Variants in TWIST2 observed in about 807,000 individuals in gnomAD.
TWIST2 encodes the protein twist-related protein 2.
In TWIST2, 1 loss-of-function variant was observed where a neutral mutation model predicts 11.6. That is an observed-to-expected ratio of 0.09 (90% CI 0.03 to 0.41). The LOEUF is 0.41. Among genes scored for constraint, TWIST2 ranks in the 10% least tolerant of loss-of-function variants. The pLI is 0.98. For synonymous variants in TWIST2, 87 were observed against 96.6 expected (o/e 0.90, Z 0.58); for missense variants, 168 against 226.4 (o/e 0.74, Z 1.66).
At chr2:238,900,644 G>T (rs1212638524) in intron 1 of TWIST2, among the ~76,000 whole-genome samples, 7 of 152,170 alleles carry the variant, frequency 4.6e-5, no homozygotes, top group African/African-American at 7.2e-5. Context: ...CCCTGGACTC[G>T]CTGGGTATGG....
intron 1 of TWIST2, among the ~76,000 whole-genome samples, chr2:238,870,383 C>A (rs368829082): frequency 0.57 from 1,473 of 2,572 alleles, 251 homozygotes; most frequent in African/African-American, 0.6. Context: ...CCCCACACAC[C>A]CCACACACCC....
chr2:238,905,915 G>A (rs1490145735), intron 1 of TWIST2, among the ~76,000 whole-genome samples: 20 of 96,648 alleles, frequency 2.1e-4, no homozygotes, highest in African/African-American at 1.1e-3. Flanking sequence ...GTGTGTGTGC[G>A]TGCAGGTGTG....
intron 1 of TWIST2, among the ~76,000 whole-genome samples, chr2:238,897,013 G>C (rs2106371571): frequency 6.6e-6 from 1 of 152,254 alleles, no homozygotes; most frequent in East Asian, 1.9e-4. Flanking sequence ...TCAGGGGAAC[G>C]TTGTAAAAAA....
At chr2:238,877,982 C>A (rs1306441554) in intron 1 of TWIST2, among the ~76,000 whole-genome samples, 1 of 152,112 alleles carries the variant, frequency 6.6e-6, no homozygotes, top group Admixed American at 6.5e-5. Flanking sequence ...GTGGAGAGCT[C>A]AGGAACAACC....
intron 1 of TWIST2, among the ~76,000 whole-genome samples, chr2:238,907,994 A>G (rs1172518805): frequency 2.0e-5 from 3 of 150,902 alleles, no homozygotes; most frequent in Non-Finnish European, 3.0e-5. Context: ...CACATTGTAC[A>G]TACGCACCAC....
intron 1 of TWIST2, among the ~76,000 whole-genome samples, chr2:238,894,585 G>GC (rs1241477806): frequency 1.3e-5 from 2 of 152,120 alleles, no homozygotes; most frequent in African/African-American, 4.8e-5. Flanking sequence ...GGTGTCTGTG[G>GC]CCCCCCAAAC....
intron 1 of TWIST2, among the ~76,000 whole-genome samples, chr2:238,909,037 C>T (rs1472876164): frequency 0.69 from 31,354 of 45,580 alleles, 11,642 homozygotes; most frequent in African/African-American, 0.75. Flanking sequence ...GTGGTGTATT[C>T]GTGGTTGTGG....
chr2:238,886,046 A>G (rs938470102), intron 1 of TWIST2, among the ~76,000 whole-genome samples: 1 of 150,366 alleles, frequency 6.7e-6, no homozygotes, highest in Non-Finnish European at 1.5e-5. Context: ...CAGTGAGCCG[A>G]GATTGCGCCA....
chr2:238,874,850 C>T (rs1692774477), intron 1 of TWIST2, among the ~76,000 whole-genome samples: 1 of 152,144 alleles, frequency 6.6e-6, no homozygotes, highest in Non-Finnish European at 1.5e-5. Flanking sequence ...TTGATTTGTC[C>T]TTCAGGTGCA....
chr2:238,868,314 C>T (rs573524693), intron 1 of TWIST2, among the ~76,000 whole-genome samples: 9 of 152,286 alleles, frequency 5.9e-5, no homozygotes, highest in South Asian at 4.1e-4. Context: ...GCCCAAGTGC[C>T]GGGAGCCCCC....
At chr2:238,880,817 G>A (rs1332853032) in intron 1 of TWIST2, among the ~76,000 whole-genome samples, 1 of 123,790 alleles carries the variant, frequency 8.1e-6, no homozygotes, top group East Asian at 2.8e-4. Context: ...TAGTATTAGT[G>A]TTAGTATTTA....
chr2:238,877,179 A>G (rs143537043), intron 1 of TWIST2, among the ~76,000 whole-genome samples: 12,268 of 152,230 alleles, frequency 0.081, 994 homozygotes, highest in East Asian at 0.42. Context: ...CCTGGGAGAC[A>G]GAGCAAGATT....
intron 1 of TWIST2, among the ~76,000 whole-genome samples, chr2:238,906,353 C>T (rs1395517393): frequency 6.6e-6 from 1 of 152,010 alleles, no homozygotes; most frequent in African/African-American, 2.4e-5. Flanking sequence ...CACTGACACA[C>T]GGACCCACTC....
intron 1 of TWIST2, among the ~76,000 whole-genome samples, chr2:238,904,539 C>A (rs934329617): frequency 3.3e-5 from 5 of 151,896 alleles, no homozygotes; most frequent in African/African-American, 1.2e-4. Flanking sequence ...TCCCACCCTT[C>A]TTCCCTGCCA....
intron 1 of TWIST2, among the ~76,000 whole-genome samples, chr2:238,862,135 C>T (rs1031269415): frequency 6.6e-6 from 1 of 152,236 alleles, no homozygotes; most frequent in Admixed American, 6.5e-5. Flanking sequence ...GGTGAACATC[C>T]AGTGAGCTGA....
At chr2:238,876,451 C>A (rs935223607) in intron 1 of TWIST2, among the ~76,000 whole-genome samples, 2 of 152,128 alleles carry the variant, frequency 1.3e-5, no homozygotes, top group African/African-American at 4.8e-5. Flanking sequence ...TGTGTCAGGC[C>A]GAAGGTGCAG....
intron 1 of TWIST2, among the ~76,000 whole-genome samples, chr2:238,909,112 TATGTGGGGTGGGGTGTGTTCGTGGGTGTG>T (rs1574770690): frequency 0.13 from 4,915 of 38,914 alleles, 589 homozygotes; most frequent in Non-Finnish European, 0.16. Context: ...GGTGTGTGTG[TATGTGGGGTGGGGTGTGTTCGTGGGTGTG>T]GTATGTGTAT....
At chr2:238,908,059 T>G in intron 1 of TWIST2, among the ~76,000 whole-genome samples, 1 of 92,294 alleles carries the variant, frequency 1.1e-5, no homozygotes, top group Non-Finnish European at 2.2e-5. Context: ...ACACACAAAG[T>G]CACGCCACAT....
At chr2:238,902,162 G>T (rs1388666403) in intron 1 of TWIST2, among the ~76,000 whole-genome samples, 2 of 152,080 alleles carry the variant, frequency 1.3e-5, no homozygotes, top group Non-Finnish European at 2.9e-5. Flanking sequence ...AACCTCAGGG[G>T]TGTGTAATGG....
Sources: gnomAD v4.1 joint callset for allele counts (sites outside exome capture counted in the v4.1 genomes callset) on GRCh38, gnomAD v4.1.1 for gene constraint, MANE v1.5 for transcripts, NCBI Gene and HGNC (gene_info 2026-07-23, HGNC 2026-07-21) for gene names.